CENPP: variants seen among roughly 807,000 people sequenced by gnomAD.
CENPP encodes centromere protein P.
CENPP carries 24 observed loss-of-function variants against 35.6 expected under a neutral mutation model. The ratio of observed to expected loss-of-function variants is 0.67; its 90% CI spans 0.49 to 0.95. The LOEUF (loss-of-function observed/expected upper bound fraction) is 0.95. CENPP is among the 40% of genes least tolerant of loss of function. The pLI, the probability that CENPP is intolerant of heterozygous loss-of-function variation, is 0.00. For synonymous variants in CENPP, 120 were observed against 125.5 expected (o/e 0.96, Z 0.29); for missense variants, 332 against 345.3 (o/e 0.96, Z 0.31).
intron 5 of CENPP, among the ~76,000 whole-genome samples, chr9:92,511,523 C>T (rs962622775): frequency 6.6e-6 from 1 of 151,920 alleles, no homozygotes; most frequent in African/African-American, 2.4e-5. Flanking sequence ...CTCTTCTTCC[C>T]CAAGCTATCC....
intron 5 of CENPP, among the ~76,000 whole-genome samples, chr9:92,576,697 T>C (rs1850291304): frequency 6.6e-6 from 1 of 152,166 alleles, no homozygotes; most frequent in African/African-American, 2.4e-5. Context: ...ATGCATTACA[T>C]GTGTATACAT....
chr9:92,345,824 A>G (rs770293571), intron 4 of CENPP, 37 bp downstream of exon 4: 1 of 1,287,680 alleles, frequency 7.8e-7, no homozygotes, highest in Non-Finnish European at 1.1e-6. Context: ...TTAGAGAAAA[A>G]AAGTAAATTT....
chr9:92,393,324 A>G lies in CENPP; in HGVS notation c.564+13465A>G, dbSNP rs544071313. 7.5e-6 allele frequency: 8 copies of G among 1,073,296 alleles called. No homozygotes were observed. The African/African-American group carries it at 9.6e-5, about 13-fold the overall frequency. 66.5% of individuals were successfully genotyped at this position (1,073,296 alleles called of 1,614,324 possible). A position where few individuals can be genotyped will look rare whatever the true frequency, so the allele number is the denominator to read the frequency against. The stretch of plus-strand genomic sequence containing the variant: ...CTCTAGTAGTAAAATTATTGCTATT[A>G]TGAATGCTATTACTAATTTGAAGAG... On this transcript the variant is annotated intron_variant, in intron 5 of 7. Coordinates refer to ENST00000375587, the MANE Select transcript of CENPP (RefSeq NM_001012267.3).
intron 5 of CENPP, among the ~76,000 whole-genome samples, chr9:92,545,837 T>C (rs1239784357): frequency 6.6e-6 from 1 of 152,244 alleles, no homozygotes; most frequent in East Asian, 1.9e-4. Flanking sequence ...GCACACTGTG[T>C]CTAGCTCAAG....
chr9:92,551,975 ATG>A (rs1430688845), intron 5 of CENPP, among the ~76,000 whole-genome samples: 19 of 61,462 alleles, frequency 3.1e-4, no homozygotes, highest in East Asian at 4.8e-4. Context: ...TGTGATATAT[ATG>A]TGTGTGTATA....
At chr9:92,522,498 C>T in intron 5 of CENPP, 3 of 1,339,162 alleles carry the variant, frequency 2.2e-6, no homozygotes, top group Non-Finnish European at 3.0e-6. Flanking sequence ...TCCCTCTCTC[C>T]CTCTCTCCTT....
chr9:92,430,180 A>G (rs1166878766), intron 5 of CENPP, among the ~76,000 whole-genome samples: 1 of 152,142 alleles, frequency 6.6e-6, no homozygotes. Context: ...TTCTCTTACT[A>G]TGGATCTGGT....
intron 5 of CENPP, among the ~76,000 whole-genome samples, chr9:92,573,791 A>C (rs1444701923): frequency 6.6e-6 from 1 of 152,180 alleles, no homozygotes; most frequent in African/African-American, 2.4e-5. Flanking sequence ...CTCAAGCCTC[A>C]GCAATGGCGG....
intron 5 of CENPP, among the ~76,000 whole-genome samples, chr9:92,391,686 A>G (rs989122572): frequency 2.0e-5 from 3 of 152,312 alleles, no homozygotes; most frequent in African/African-American, 4.8e-5. Flanking sequence ...ATGTCGTTAA[A>G]TAGACTGTGA....
At chr9:92,601,452 T>A (rs1850916009) in intron 5 of CENPP, among the ~76,000 whole-genome samples, 2 of 152,146 alleles carry the variant, frequency 1.3e-5, no homozygotes, top group East Asian at 3.9e-4. Context: ...CAAATGATTG[T>A]GATGATACAA....
chr9:92,548,419 G>C (rs866665752), intron 5 of CENPP, among the ~76,000 whole-genome samples: 1 of 152,126 alleles, frequency 6.6e-6, no homozygotes, highest in Non-Finnish European at 1.5e-5. Flanking sequence ...TCCCAATTAG[G>C]GGGTTGTCCA....
chr9:92,341,459 C>G (rs1320297334), intron 3 of CENPP: 1 of 152,190 alleles, frequency 6.6e-6, no homozygotes, highest in Non-Finnish European at 1.5e-5. Flanking sequence ...TGTGATGTCT[C>G]CCCTGGACGC....
chr9:92,373,442 CTT>C (rs1226192676), intron 4 of CENPP, among the ~76,000 whole-genome samples: 1 of 152,076 alleles, frequency 6.6e-6, no homozygotes, highest in Non-Finnish European at 1.5e-5. Context: ...ATACCAATCT[CTT>C]TGATAAATTT....
At chr9:92,362,419 T>C (rs956604746) in intron 4 of CENPP, among the ~76,000 whole-genome samples, 1 of 152,198 alleles carries the variant, frequency 6.6e-6, no homozygotes, top group African/African-American at 2.4e-5. Flanking sequence ...TCTACTTTTT[T>C]CCCCCAATAG....
Position 92,615,598 on chromosome 9 carries a change from C to G in CENPP, c.*2449C>G, listed in dbSNP as rs1206944541. 3.1e-5 allele frequency: 16 copies of G among 508,000 alleles called. No homozygotes were observed. The highest frequency in any genetic ancestry group is 3.5e-5 in the East Asian group (1 of 28,230). The allele number at this position is 508,000 out of a possible 1,614,324, so 31.5% of individuals were successfully genotyped here. On this transcript the variant is annotated 3_prime_UTR_variant, in exon 8 of 8. Coordinates refer to ENST00000375587, the MANE Select transcript of CENPP (RefSeq NM_001012267.3). ...TCTTCCCAGGGCTTAACGGACACTTCCATTTTAAGAGTGTGAGCAGCTTCC... is the reference window on the plus strand; with the variant it reads ...TCTTCCCAGGGCTTAACGGACACTTGCATTTTAAGAGTGTGAGCAGCTTCC...
chr9:92,338,141 G>C (rs754898733), intron 3 of CENPP, among the ~76,000 whole-genome samples: 7 of 151,958 alleles, frequency 4.6e-5, no homozygotes, highest in Non-Finnish European at 7.4e-5. Flanking sequence ...GTGAGACCCT[G>C]TCTCTACAAA....
intron 5 of CENPP, chr9:92,404,479 A>G (rs1214340423): frequency 1.6e-6 from 2 of 1,261,122 alleles, no homozygotes; most frequent in Non-Finnish European, 2.1e-6. Context: ...AAAATAATAT[A>G]TGAAAAGTAA....
chr9:92,560,413 T>C (rs1481904608), intron 5 of CENPP, among the ~76,000 whole-genome samples: 1 of 152,176 alleles, frequency 6.6e-6, no homozygotes, highest in Non-Finnish European at 1.5e-5. Flanking sequence ...CTCCCCAGTT[T>C]CCATCCTTTT....
intron 4 of CENPP, among the ~76,000 whole-genome samples, chr9:92,366,481 GCA>G (rs1378420878): frequency 6.6e-6 from 1 of 152,004 alleles, no homozygotes; most frequent in African/African-American, 2.4e-5. Flanking sequence ...ATTACTTGTG[GCA>G]CAGATTCCTA....
Sources: allele counts gnomAD v4.1 joint callset (sites outside exome capture counted in the v4.1 genomes callset), GRCh38; gene constraint gnomAD v4.1.1; transcripts MANE v1.5; gene names NCBI Gene and HGNC (gene_info 2026-07-23, HGNC 2026-07-21).